The following HPSE2 variants were observed in gnomAD, a reference collection of about 807,000 sequenced individuals.
The protein encoded by HPSE2 is heparanase 2 (inactive).
A neutral mutation model predicts 60.5 loss-of-function variants in HPSE2; 38 were observed. The ratio of observed to expected loss-of-function variants is 0.63; its 90% CI spans 0.48 to 0.82. HPSE2 has a LOEUF of 0.82. HPSE2 is among the 40% of genes least tolerant of loss of function. The pLI is 0.00. For synonymous variants in HPSE2, 295 were observed against 293.2 expected (o/e 1.01, Z -0.06); for missense variants, 713 against 740.4 (o/e 0.96, Z 0.43).
intron 11 of HPSE2, chr10:98,461,793 A>G: frequency 6.3e-7 from 1 of 1,595,194 alleles, no homozygotes. Flanking sequence ...GATTCAGATG[A>G]TCCCACAGTA....
At chr10:99,181,880 A>T (rs906586973) in intron 2 of HPSE2, among the ~76,000 whole-genome samples, 6 of 149,504 alleles carry the variant, frequency 4.0e-5, no homozygotes, top group South Asian at 2.1e-4. Context: ...AGTATAATTT[A>T]AAAAAAAAAG....
chr10:99,097,197 T>C (rs1388893471), intron 3 of HPSE2, among the ~76,000 whole-genome samples: 2 of 152,180 alleles, frequency 1.3e-5, no homozygotes, highest in Non-Finnish European at 2.9e-5. Context: ...CACCACTATT[T>C]GCATCTGTGC....
chr10:98,660,377 A>T (rs1947189636), intron 6 of HPSE2, among the ~76,000 whole-genome samples: 2 of 152,184 alleles, frequency 1.3e-5, no homozygotes, highest in South Asian at 4.1e-4. Flanking sequence ...AGGTCTTCTC[A>T]CTTATAGATG....
At chr10:98,580,742 T>C (rs2133919975) in intron 9 of HPSE2, among the ~76,000 whole-genome samples, 1 of 151,544 alleles carries the variant, frequency 6.6e-6, no homozygotes, top group African/African-American at 2.4e-5. Flanking sequence ...CCCACATTCC[T>C]ACTTCTATAA....
intron 3 of HPSE2, among the ~76,000 whole-genome samples, chr10:99,088,073 G>C (rs1345601963): frequency 2.7e-5 from 4 of 150,878 alleles, no homozygotes; most frequent in African/African-American, 9.8e-5. Flanking sequence ...ACATGCTCAC[G>C]GCTCATGGAT....
intron 9 of HPSE2, among the ~76,000 whole-genome samples, chr10:98,494,241 T>C (rs1941755219): frequency 6.6e-6 from 1 of 152,088 alleles, no homozygotes; most frequent in African/African-American, 2.4e-5. Flanking sequence ...GGAGACAGGG[T>C]CATTTATAAC....
At chr10:98,504,061 G>A (rs568525717) in intron 9 of HPSE2, among the ~76,000 whole-genome samples, 2 of 152,258 alleles carry the variant, frequency 1.3e-5, no homozygotes, top group African/African-American at 2.4e-5. Context: ...GGTAGAATAC[G>A]AAAGGTGAAA....
intron 3 of HPSE2, among the ~76,000 whole-genome samples, chr10:98,749,453 GC>G (rs1949703526): frequency 6.7e-6 from 1 of 149,918 alleles, no homozygotes; most frequent in African/African-American, 2.5e-5. Context: ...ATACATATAT[GC>G]ATGCATATAT....
intron 3 of HPSE2, among the ~76,000 whole-genome samples, chr10:99,076,212 A>C (rs150282854): frequency 1.3e-3 from 199 of 149,254 alleles, no homozygotes; most frequent in Middle Eastern, 3.4e-3. Context: ...TGTATCTTCT[A>C]TAGGTGTTTT....
At chr10:98,533,438 C>T (rs1391842549) in intron 9 of HPSE2, among the ~76,000 whole-genome samples, 1 of 152,256 alleles carries the variant, frequency 6.6e-6, no homozygotes, top group East Asian at 1.9e-4. Flanking sequence ...TAATCACATG[C>T]AATTCTTCTA....
intron 3 of HPSE2, among the ~76,000 whole-genome samples, chr10:98,996,993 T>A (rs185012039): frequency 1.3e-5 from 2 of 152,334 alleles, no homozygotes; most frequent in East Asian, 3.9e-4. Flanking sequence ...TTAGGACCTT[T>A]ACACTTCACT....
At chr10:98,880,617 C>T (rs2862449) in intron 3 of HPSE2, among the ~76,000 whole-genome samples, 121,098 of 151,872 alleles carry the variant, frequency 0.8, 48,594 homozygotes, top group South Asian at 0.84. Context: ...CTCCATATGC[C>T]CTGCTTCCTT....
chr10:98,685,873 T>C (rs1947902798), intron 6 of HPSE2, among the ~76,000 whole-genome samples: 1 of 152,212 alleles, frequency 6.6e-6, no homozygotes, highest in South Asian at 2.1e-4. Flanking sequence ...GAATTTTAAA[T>C]CTTATATCAC....
At chr10:99,028,272 T>C (rs1295106378) in intron 3 of HPSE2, among the ~76,000 whole-genome samples, 9 of 152,282 alleles carry the variant, frequency 5.9e-5, no homozygotes, top group East Asian at 1.9e-4. Context: ...AAATATATTA[T>C]TGGAACTAAT....
intron 2 of HPSE2, among the ~76,000 whole-genome samples, chr10:99,225,536 G>A (rs925360917): frequency 6.6e-6 from 1 of 152,080 alleles, no homozygotes; most frequent in Non-Finnish European, 1.5e-5. Flanking sequence ...AACTTGCAAT[G>A]TAAGGATCTA....
chr10:98,994,485 ATCATAGGCAAGTAGC>A (rs1184434260), intron 3 of HPSE2, among the ~76,000 whole-genome samples: 1 of 152,188 alleles, frequency 6.6e-6, no homozygotes, highest in Non-Finnish European at 1.5e-5. Context: ...CCAAACAGGC[ATCATAGGCAAGTAGC>A]TATGTGGCAT....
chr10:99,207,603 TAA>T (rs1289444534), intron 2 of HPSE2, among the ~76,000 whole-genome samples: 2 of 152,080 alleles, frequency 1.3e-5, no homozygotes, highest in East Asian at 3.8e-4. Flanking sequence ...ACCTTAACAA[TAA>T]AAGTTTTTAA....
chr10:99,313,792 G>C, the HPSE2 span, among the ~76,000 whole-genome samples: 1 of 151,546 alleles, frequency 6.6e-6, no homozygotes, highest in African/African-American at 2.4e-5. Context: ...AGTAGAGACA[G>C]GGTTTCACCA....
chr10:99,221,703 G>A (rs1849319503), intron 2 of HPSE2, among the ~76,000 whole-genome samples: 1 of 152,154 alleles, frequency 6.6e-6, no homozygotes, highest in Non-Finnish European at 1.5e-5. Context: ...GGAATATCCA[G>A]AGGGTTAGAA....
Sources: allele counts gnomAD v4.1 joint callset (sites outside exome capture counted in the v4.1 genomes callset), GRCh38; gene constraint gnomAD v4.1.1; transcripts MANE v1.5; gene names NCBI Gene and HGNC (gene_info 2026-07-23, HGNC 2026-07-21).